Variants in VAPB observed in about 807,000 individuals in gnomAD.
The protein encoded by VAPB is VAMP associated protein B and C.
VAPB carries 7 observed loss-of-function variants against 25.6 expected under a neutral mutation model. The ratio of observed to expected loss-of-function variants is 0.27; its 90% CI spans 0.16 to 0.51. The LOEUF (loss-of-function observed/expected upper bound fraction) is 0.51. Ranked by LOEUF, VAPB falls within the 20% of genes least tolerant of loss-of-function variation. The probability of loss-of-function intolerance (pLI) is 0.97; values close to 1 mark genes in which losing one functional copy is unlikely to be tolerated. For synonymous variants in VAPB, 112 were observed against 109.2 expected (o/e 1.03, Z -0.16); for missense variants, 266 against 301.3 (o/e 0.88, Z 0.87).
chr20:58,405,267 G>A (rs985211149), intron 1 of VAPB, among the ~76,000 whole-genome samples: 11 of 152,102 alleles, frequency 7.2e-5, no homozygotes, highest in African/African-American at 2.7e-4. Context: ...GGAAGGGCAG[G>A]TGCAAGGTGA....
chr20:58,393,273 C>G (rs1235710188), intron 1 of VAPB, among the ~76,000 whole-genome samples: 1 of 152,160 alleles, frequency 6.6e-6, no homozygotes, highest in Non-Finnish European at 1.5e-5. Flanking sequence ...TCAAGCAGTC[C>G]TCCCGCCTCA....
intron 1 of VAPB, among the ~76,000 whole-genome samples, chr20:58,393,882 G>A (rs1008626350): frequency 1.3e-4 from 20 of 152,066 alleles, no homozygotes; most frequent in African/African-American, 4.8e-4. Context: ...ACAGGCATGC[G>A]CCACCATGCC....
At chr20:58,421,128 C>A (rs1377956837) in intron 2 of VAPB, among the ~76,000 whole-genome samples, 1 of 152,172 alleles carries the variant, frequency 6.6e-6, no homozygotes, top group African/African-American at 2.4e-5. Context: ...ACAGGAAGAC[C>A]AGTTGTGCTG....
intron 3 of VAPB, among the ~76,000 whole-genome samples, chr20:58,437,515 G>T (rs1005604639): frequency 6.6e-6 from 1 of 152,166 alleles, no homozygotes; most frequent in African/African-American, 2.4e-5. Flanking sequence ...TGCCCCTGTG[G>T]TTAATAGGTA....
At chr20:58,436,992 C>CTTTTTTTTTTTT (rs34944837) in intron 3 of VAPB, among the ~76,000 whole-genome samples, 9 of 77,432 alleles carry the variant, frequency 1.2e-4, no homozygotes, top group East Asian at 4.4e-4. Context: ...AAACTTTGAA[C>CTTTTTTTTTTTT]TTTTTTTTTT....
rs1052923464 is a variant in VAPB, at chr20:58,439,153, A to T, written c.396+128A>T. 5.6e-6 allele frequency: 5 copies of T among 897,414 alleles called. No individual in the cohort carries two copies. In the African/African-American group the frequency reaches 6.7e-5, roughly 12 times the overall value. The allele number at this position is 897,414 out of a possible 1,614,324, so 55.6% of individuals were successfully genotyped here. On this transcript the variant is annotated intron_variant, in intron 4 of 5. Coordinates refer to ENST00000475243, the MANE Select transcript of VAPB (RefSeq NM_004738.5). ...TTTATCTGATGTCTGAAGAAAAAAA[A>T]TAAGCTGAAGTCAGCAAATAAGTGG...
chr20:58,395,825 C>G (rs537254220), intron 1 of VAPB, among the ~76,000 whole-genome samples: 8 of 152,114 alleles, frequency 5.3e-5, no homozygotes, highest in Non-Finnish European at 5.9e-5. Context: ...ATGTGGGCAG[C>G]TGGCTTTACA....
chr20:58,450,003 G>C lies in VAPB; in HGVS notation c.*5768G>C. Reference sequence around the variant, plus strand: ...AGATATCTTAACACAATTTCATCCAGGCTTAGTGCTAACAAGATTGCGGGG... The same window carrying C: ...AGATATCTTAACACAATTTCATCCACGCTTAGTGCTAACAAGATTGCGGGG... On this transcript the variant is annotated 3_prime_UTR_variant, in exon 6 of 6. Coordinates refer to ENST00000475243, the MANE Select transcript of VAPB (RefSeq NM_004738.5). 1 of 453,954 alleles carries C rather than the reference G, an allele frequency of 2.2e-6. No individual in the cohort carries two copies. Among genetic ancestry groups the C allele is most frequent in the South Asian group, 1.6e-5 (1 of 64,466 alleles). 28.1% of individuals were successfully genotyped at this position (453,954 alleles called of 1,614,324 possible). A position where few individuals can be genotyped will look rare whatever the true frequency, so the allele number is the denominator to read the frequency against.
intron 1 of VAPB, among the ~76,000 whole-genome samples, chr20:58,413,198 G>C (rs915435501): frequency 5.4e-5 from 8 of 148,510 alleles, no homozygotes; most frequent in Non-Finnish European, 1.0e-4. Context: ...TCTCACAGAG[G>C]GGGATTTGGC....
intron 1 of VAPB, among the ~76,000 whole-genome samples, chr20:58,410,139 C>T (rs1283287929): frequency 6.6e-6 from 1 of 152,138 alleles, no homozygotes; most frequent in Non-Finnish European, 1.5e-5. Context: ...TCCTACCCCA[C>T]ACATGCATCA....
Position 58,447,130 on chromosome 20 carries a change from C to T in VAPB, c.*2895C>T, listed in dbSNP as rs978536044. 5 of 453,946 alleles carry T rather than the reference C, an allele frequency of 1.1e-5. No individual in the cohort carries two copies. The highest frequency in any genetic ancestry group is 6.0e-5 in the African/African-American group (3 of 49,996). 28.1% of individuals were successfully genotyped at this position (453,946 alleles called of 1,614,324 possible). A position where few individuals can be genotyped will look rare whatever the true frequency, so the allele number is the denominator to read the frequency against. Reference sequence around the variant, plus strand: ...CTCCACAGCACCTCAGAGAGGGCGGCCCTGGCTTCAGAAATGCCAGCCATA... The same window carrying T: ...CTCCACAGCACCTCAGAGAGGGCGGTCCTGGCTTCAGAAATGCCAGCCATA... On this transcript the variant is annotated 3_prime_UTR_variant, in exon 6 of 6. Coordinates refer to ENST00000475243, the MANE Select transcript of VAPB (RefSeq NM_004738.5).
chr20:58,390,883 T>A (rs1987779498), intron 1 of VAPB, among the ~76,000 whole-genome samples: 1 of 152,214 alleles, frequency 6.6e-6, no homozygotes, highest in Non-Finnish European at 1.5e-5. Flanking sequence ...GAACGGTGGC[T>A]GTCACTTTGC....
At chr20:58,433,669 C>T (rs1291767848) in intron 2 of VAPB, among the ~76,000 whole-genome samples, 2 of 152,172 alleles carry the variant, frequency 1.3e-5, no homozygotes, top group Admixed American at 6.5e-5. Context: ...AGCCCCTCTC[C>T]CCCAACAATA....
At chr20:58,408,621 G>A (rs758929210) in intron 1 of VAPB, among the ~76,000 whole-genome samples, 1 of 133,254 alleles carries the variant, frequency 7.5e-6, no homozygotes, top group South Asian at 2.4e-4. Context: ...TAGGGAGGGG[G>A]CAACTTTAAA....
At chr20:58,393,820 C>T (rs746921990) in intron 1 of VAPB, among the ~76,000 whole-genome samples, 9 of 152,132 alleles carry the variant, frequency 5.9e-5, no homozygotes, top group Non-Finnish European at 1.3e-4. Context: ...GCAACCTCCG[C>T]CTCCCGGGTT....
rs1209344599 is a variant in VAPB at position 58,449,625 on chromosome 20, A to G, written c.*5390A>G. Reference sequence around the variant, plus strand: ...TTTGATTAAAAGATGTCAGTTGAATAAAACAGTACTGTGGGAGAATCGCTT... The same window carrying G: ...TTTGATTAAAAGATGTCAGTTGAATGAAACAGTACTGTGGGAGAATCGCTT... On this transcript the variant is annotated 3_prime_UTR_variant, in exon 6 of 6. Transcript: ENST00000475243. 2.2e-6 allele frequency: 1 copy of G among 453,904 alleles called. No homozygotes were observed. Among genetic ancestry groups the G allele is most frequent in the African/African-American group, 2.0e-5 (1 of 50,140 alleles). 28.1% of individuals were successfully genotyped at this position (453,904 alleles called of 1,614,324 possible).
intron 1 of VAPB, among the ~76,000 whole-genome samples, chr20:58,402,060 G>T (rs1035557949): frequency 6.6e-6 from 1 of 150,532 alleles, no homozygotes; most frequent in African/African-American, 2.5e-5. Flanking sequence ...TTCAAAGATG[G>T]TTTGCAAAGA....
intron 1 of VAPB, among the ~76,000 whole-genome samples, chr20:58,407,447 C>T (rs1600782760): frequency 6.6e-6 from 1 of 152,144 alleles, no homozygotes; most frequent in Non-Finnish European, 1.5e-5. Flanking sequence ...TTGGATCTCA[C>T]ATAAACTACA....
At chr20:58,389,787 C>A (rs1011363539) in intron 1 of VAPB, among the ~76,000 whole-genome samples, 2 of 152,196 alleles carry the variant, frequency 1.3e-5, no homozygotes, top group Non-Finnish European at 2.9e-5. Flanking sequence ...AGGCACTTGT[C>A]ACTTTGTAAC....
Sources: allele counts gnomAD v4.1 joint callset (sites outside exome capture counted in the v4.1 genomes callset), GRCh38; gene constraint gnomAD v4.1.1; transcripts MANE v1.5; gene names NCBI Gene and HGNC (gene_info 2026-07-23, HGNC 2026-07-21).